The following GLI3 variants were observed in gnomAD, a reference collection of about 807,000 sequenced individuals.
GLI3 encodes the protein transcription activator GLI3.
In GLI3, 20 loss-of-function variants were observed where a neutral mutation model predicts 100.8. The observed-to-expected ratio is 0.20, with a 90% confidence interval of 0.14 to 0.29. The LOEUF (loss-of-function observed/expected upper bound fraction) is 0.29. Among genes scored for constraint, GLI3 ranks in the 10% least tolerant of loss-of-function variants. The pLI is 1.00. For synonymous variants in GLI3, 938 were observed against 860.5 expected (o/e 1.09, Z -1.58); for missense variants, 2,040 against 2,128.5 (o/e 0.96, Z 0.82).
intron 10 of GLI3, among the ~76,000 whole-genome samples, chr7:42,012,888 G>A (rs970076253): frequency 6.6e-6 from 1 of 152,142 alleles, no homozygotes; most frequent in Non-Finnish European, 1.5e-5. Flanking sequence ...CCCAGGAAAG[G>A]CCACCAGGAA....
intron 2 of GLI3, among the ~76,000 whole-genome samples, chr7:42,202,262 C>T (rs1489519221): frequency 6.6e-6 from 1 of 151,110 alleles, no homozygotes; most frequent in African/African-American, 2.4e-5. Context: ...GGCATTGGCC[C>T]CTCTTTGGTC....
intron 1 of GLI3, among the ~76,000 whole-genome samples, chr7:42,260,324 A>G (rs1217161092): frequency 6.6e-6 from 1 of 152,236 alleles, no homozygotes; most frequent in Non-Finnish European, 1.5e-5. Flanking sequence ...GTTGTACTGT[A>G]TTTAAATAGA....
chr7:42,122,352 T>G (rs1786022925), intron 3 of GLI3, among the ~76,000 whole-genome samples: 1 of 152,154 alleles, frequency 6.6e-6, no homozygotes, highest in African/African-American at 2.4e-5. Context: ...CCATGAGGTC[T>G]GTAGGTATAA....
At chr7:42,002,430 A>T in intron 10 of GLI3, among the ~76,000 whole-genome samples, 1 of 152,214 alleles carries the variant, frequency 6.6e-6, no homozygotes, top group Non-Finnish European at 1.5e-5. Context: ...ACCTGTTAAA[A>T]TAGGAGGAAT....
chr7:42,103,974 G>A (rs935193143), intron 3 of GLI3, among the ~76,000 whole-genome samples: 31 of 152,232 alleles, frequency 2.0e-4, no homozygotes, highest in African/African-American at 7.0e-4. Flanking sequence ...GCATGTGGGT[G>A]TCACGTGAGG....
At chr7:42,244,765 A>G (rs1004537031) in intron 1 of GLI3, among the ~76,000 whole-genome samples, 1 of 152,172 alleles carries the variant, frequency 6.6e-6, no homozygotes, top group Non-Finnish European at 1.5e-5. Flanking sequence ...GATAGCCATC[A>G]AAGTTAGTTT....
intron 10 of GLI3, among the ~76,000 whole-genome samples, chr7:41,979,264 A>G (rs1787591486): frequency 6.6e-6 from 1 of 152,230 alleles, no homozygotes; most frequent in Non-Finnish European, 1.5e-5. Context: ...AACCAAAAGC[A>G]CTTGCAAATG....
chr7:42,010,342 T>A (rs929142567), intron 10 of GLI3, among the ~76,000 whole-genome samples: 3 of 152,192 alleles, frequency 2.0e-5, no homozygotes, highest in African/African-American at 7.2e-5. Context: ...GGGAGTGCAC[T>A]GGGAGCTTGG....
At chr7:42,090,275 T>C (rs1785190178) in intron 3 of GLI3, among the ~76,000 whole-genome samples, 2 of 152,190 alleles carry the variant, frequency 1.3e-5, no homozygotes, top group South Asian at 4.1e-4. Context: ...CTGTTGACTT[T>C]ATAAACACTG....
intron 3 of GLI3, among the ~76,000 whole-genome samples, chr7:42,101,408 C>G (rs111664817): frequency 1.3e-5 from 2 of 152,022 alleles, no homozygotes; most frequent in Non-Finnish European, 2.9e-5. Context: ...CGAGACCACC[C>G]TGGACAACAC....
At chr7:41,976,343 G>A (rs1787512902) in intron 12 of GLI3, among the ~76,000 whole-genome samples, 1 of 152,168 alleles carries the variant, frequency 6.6e-6, no homozygotes, top group Admixed American at 6.5e-5. Flanking sequence ...CAGAAAGTTG[G>A]TATATATATG....
At chr7:41,993,451 C>G (rs950758566) in intron 10 of GLI3, among the ~76,000 whole-genome samples, 1 of 152,200 alleles carries the variant, frequency 6.6e-6, no homozygotes, top group African/African-American at 2.4e-5. Flanking sequence ...CATCCTTGAA[C>G]TCTCCAAGCC....
intron 10 of GLI3, among the ~76,000 whole-genome samples, chr7:42,008,560 C>T (rs1788525097): frequency 1.3e-5 from 2 of 152,176 alleles, no homozygotes; most frequent in Non-Finnish European, 1.5e-5. Flanking sequence ...CCTCCAGCCT[C>T]AGCCTCCCAA....
intron 2 of GLI3, among the ~76,000 whole-genome samples, chr7:42,154,624 CA>C (rs1157669263): frequency 6.6e-6 from 1 of 152,182 alleles, no homozygotes; most frequent in Non-Finnish European, 1.5e-5. Flanking sequence ...GAATTCTCCC[CA>C]AGACTGACCA....
chr7:42,144,920 C>T lies in GLI3; in HGVS notation c.367+3306G>A, dbSNP rs144300401. On this transcript the variant is annotated intron_variant, in intron 3 of 14. Transcript: ENST00000395925. ...AATAACTCAAGGGCAAGGGGACTGGCCTAAAAAGATGTTTCTGAACTTGAG... is the reference window on the plus strand; with the variant it reads ...AATAACTCAAGGGCAAGGGGACTGGTCTAAAAAGATGTTTCTGAACTTGAG... Among the ~76,000 whole-genome samples the T allele has an allele frequency of 5.0e-3, 760 of 152,154 alleles. 3 individuals are homozygous for T. The highest frequency in any genetic ancestry group is 0.014 in the Middle Eastern group (4 of 294).
chr7:42,055,376 G>A (rs1463915524), intron 4 of GLI3, among the ~76,000 whole-genome samples: 2 of 151,914 alleles, frequency 1.3e-5, no homozygotes, highest in Admixed American at 1.3e-4. Flanking sequence ...GGGGAGTCTC[G>A]TCTTTAAGGT....
intron 3 of GLI3, among the ~76,000 whole-genome samples, chr7:42,104,647 G>C (rs1489797052): frequency 1.3e-5 from 2 of 152,166 alleles, no homozygotes; most frequent in East Asian, 3.9e-4. Flanking sequence ...AACATTTAAA[G>C]TTACAACATT....
chr7:42,193,441 T>C (rs1378934211), intron 2 of GLI3, among the ~76,000 whole-genome samples: 2 of 152,014 alleles, frequency 1.3e-5, no homozygotes, highest in African/African-American at 2.4e-5. Flanking sequence ...GACACACCTT[T>C]GATCTAGAGT....
intron 3 of GLI3, chr7:42,113,341 C>T (rs1785764558): frequency 2.3e-5 from 15 of 639,440 alleles, no homozygotes; most frequent in South Asian, 4.5e-5. Flanking sequence ...CCAGCACCTA[C>T]GTCCCGTCGC....
Sources: gnomAD v4.1 joint callset for allele counts (sites outside exome capture counted in the v4.1 genomes callset) on GRCh38, gnomAD v4.1.1 for gene constraint, MANE v1.5 for transcripts, NCBI Gene and HGNC (gene_info 2026-07-23, HGNC 2026-07-21) for gene names.